Variants in TAF3 observed in about 807,000 individuals in gnomAD.
TAF3 encodes the protein TATA-box binding protein associated factor 3, also known as transcription initiation factor TFIID subunit 3.
In TAF3, 7 loss-of-function variants were observed where a neutral mutation model predicts 80.6. The ratio of observed to expected loss-of-function variants is 0.09; its 90% confidence interval spans 0.05 to 0.16. The LOEUF (loss-of-function observed/expected upper bound fraction) is 0.16, where lower values mean the gene tolerates loss of function less well. Ranked by LOEUF, TAF3 falls within the 10% of genes least tolerant of loss-of-function variation. The probability of loss-of-function intolerance (pLI) is 1.00; values close to 1 mark genes in which losing one functional copy is unlikely to be tolerated. For missense variants in TAF3, 921 were observed against 1,140.2 expected, an observed-to-expected ratio of 0.81 and a Z score of 2.77; for synonymous variants, 444 against 446.1, an observed-to-expected ratio of 1.00 and a Z score of 0.06.
chr10:7,915,938 A>G (rs914230303), intron 2 of TAF3, among the ~76,000 whole-genome samples: 1 of 151,936 alleles, frequency 6.6e-6, no homozygotes, highest in Non-Finnish European at 1.5e-5. Context: ...AGGTTGCACC[A>G]CTGCCCTCCA....
intron 2 of TAF3, among the ~76,000 whole-genome samples, chr10:7,886,895 C>G (rs572696315): frequency 6.6e-6 from 1 of 152,190 alleles, no homozygotes; most frequent in East Asian, 1.9e-4. Context: ...CTAAGAGTAT[C>G]TTTAAATTTT....
At chr10:7,951,046 C>T (rs1057139596) in intron 2 of TAF3, among the ~76,000 whole-genome samples, 15 of 152,188 alleles carry the variant, frequency 9.9e-5, no homozygotes, top group African/African-American at 3.6e-4. Context: ...AGCAGAAGCA[C>T]ATGTAAAACA....
chr10:7,949,044 G>A (rs148064437), intron 2 of TAF3, among the ~76,000 whole-genome samples: 3,109 of 152,344 alleles, frequency 0.02, 47 homozygotes, highest in Middle Eastern at 0.037. Flanking sequence ...GCTGACAGCC[G>A]CTCTCGGGTC....
At chr10:7,877,094 T>C (rs1837319284) in intron 2 of TAF3, among the ~76,000 whole-genome samples, 1 of 152,134 alleles carries the variant, frequency 6.6e-6, no homozygotes, top group Admixed American at 6.6e-5. Context: ...TACTGTCCTT[T>C]CTTGGATTTT....
At chr10:7,892,742 A>G (rs1229946520) in intron 2 of TAF3, among the ~76,000 whole-genome samples, 1 of 151,854 alleles carries the variant, frequency 6.6e-6, no homozygotes, top group South Asian at 2.1e-4. Context: ...CTATCTATCC[A>G]TCTTTACTTT....
At chr10:7,854,749 C>T (rs1837062379) in intron 2 of TAF3, among the ~76,000 whole-genome samples, 2 of 152,102 alleles carry the variant, frequency 1.3e-5, no homozygotes, top group Non-Finnish European at 2.9e-5. Flanking sequence ...AGGGGGCTTC[C>T]TGGTTTGTGA....
chr10:7,827,785 A>C (rs1244476), intron 2 of TAF3, among the ~76,000 whole-genome samples: 28,621 of 150,640 alleles, frequency 0.19, 2,835 homozygotes, highest in South Asian at 0.27. Flanking sequence ...GTCTCAAAAA[A>C]AAAAAAAAAA....
chr10:7,848,438 A>G (rs1323368290), intron 2 of TAF3, among the ~76,000 whole-genome samples: 1 of 152,188 alleles, frequency 6.6e-6, no homozygotes, highest in Non-Finnish European at 1.5e-5. Flanking sequence ...TTAACTTTAA[A>G]GGAGAGTGAG....
At chr10:8,006,191 C>T (rs531443127) in intron 4 of TAF3, among the ~76,000 whole-genome samples, 3 of 128,516 alleles carry the variant, frequency 2.3e-5, no homozygotes, top group African/African-American at 9.9e-5. Context: ...CACACACACA[C>T]ACACACACAC....
intron 2 of TAF3, among the ~76,000 whole-genome samples, chr10:7,844,430 G>A (rs1836949316): frequency 6.8e-6 from 1 of 147,260 alleles, no homozygotes; most frequent in African/African-American, 2.5e-5. Context: ...AGGCTGGAGT[G>A]CAGTGGCGCG....
intron 2 of TAF3, among the ~76,000 whole-genome samples, chr10:7,885,145 A>G (rs1387114250): frequency 6.6e-6 from 1 of 152,036 alleles, no homozygotes; most frequent in Non-Finnish European, 1.5e-5. Flanking sequence ...AAGTTCTGAA[A>G]ATAGATAGTG....
intron 2 of TAF3, among the ~76,000 whole-genome samples, chr10:7,909,424 T>C (rs774128358): frequency 3.9e-5 from 6 of 152,206 alleles, no homozygotes; most frequent in African/African-American, 7.2e-5. Context: ...ACAGCACTTC[T>C]GCCAAATTAA....
chr10:7,851,169 A>G (rs1459991695), intron 2 of TAF3, among the ~76,000 whole-genome samples: 2 of 152,238 alleles, frequency 1.3e-5, no homozygotes, highest in Non-Finnish European at 2.9e-5. Flanking sequence ...TGTGGGAAGG[A>G]AAGTTGCAAT....
intron 4 of TAF3, among the ~76,000 whole-genome samples, chr10:7,998,249 AT>A (rs1831908161): frequency 1.9e-5 from 2 of 104,486 alleles, no homozygotes; most frequent in South Asian, 3.2e-4. Flanking sequence ...AACTATATAT[AT>A]ATATATATAT....
At chr10:7,862,445 C>A (rs1428666647) in intron 2 of TAF3, among the ~76,000 whole-genome samples, 3 of 152,160 alleles carry the variant, frequency 2.0e-5, no homozygotes, top group Non-Finnish European at 4.4e-5. Context: ...CAGCAGAAAT[C>A]TCTTTAGGTT....
intron 2 of TAF3, among the ~76,000 whole-genome samples, chr10:7,869,094 CATTAT>C (rs543297089): frequency 3.7e-4 from 57 of 152,176 alleles, no homozygotes; most frequent in African/African-American, 1.3e-3. Context: ...AAAGATTTCA[CATTAT>C]ATTCTACTTA....
intron 3 of TAF3, among the ~76,000 whole-genome samples, chr10:7,976,254 T>TC (rs1831671672): frequency 6.6e-6 from 1 of 151,840 alleles, no homozygotes; most frequent in East Asian, 1.9e-4. Flanking sequence ...TTTTTCTTTT[T>TC]TTTTTTTTTT....
chr10:7,905,120 T>C (rs1262127094), intron 2 of TAF3, among the ~76,000 whole-genome samples: 1 of 152,164 alleles, frequency 6.6e-6, no homozygotes, highest in Non-Finnish European at 1.5e-5. Context: ...ATTCTTAGTC[T>C]TTAATATGCA....
intron 2 of TAF3, among the ~76,000 whole-genome samples, chr10:7,924,879 C>T (rs1259807541): frequency 6.6e-6 from 1 of 151,912 alleles, no homozygotes; most frequent in African/African-American, 2.4e-5. Context: ...TCACTTAAAA[C>T]GTAAGTTGTT....
Sources: gnomAD v4.1 joint callset for allele counts (sites outside exome capture counted in the v4.1 genomes callset) on GRCh38, gnomAD v4.1.1 for gene constraint, MANE v1.5 for transcripts, NCBI Gene and HGNC (gene_info 2026-07-23, HGNC 2026-07-21) for gene names.